PCNX2: variants seen among roughly 807,000 people sequenced by gnomAD.
PCNX2 encodes the protein pecanex 2.
In PCNX2, 168 loss-of-function variants were observed where a neutral mutation model predicts 223.8. The ratio of observed to expected loss-of-function variants is 0.75; its 90% CI spans 0.66 to 0.85. PCNX2 has a LOEUF of 0.85. PCNX2 is among the 40% of genes least tolerant of loss of function. The pLI, the probability that PCNX2 is intolerant of heterozygous loss-of-function variation, is 0.00. For missense variants in PCNX2, 2,507 were observed against 2,675.5 expected, an observed-to-expected ratio of 0.94 and a Z score of 1.39; for synonymous variants, 1,006 against 1,052.6, an observed-to-expected ratio of 0.96 and a Z score of 0.86.
chr1:233,058,719 G>A (rs1483873893), intron 23 of PCNX2, among the ~76,000 whole-genome samples: 1 of 145,240 alleles, frequency 6.9e-6, no homozygotes, highest in African/African-American at 2.6e-5. Flanking sequence ...AGGATGGAGT[G>A]CAGCAGTGCA....
At chr1:233,275,011 T>A (rs1355997747) in intron 1 of PCNX2, among the ~76,000 whole-genome samples, 1 of 152,236 alleles carries the variant, frequency 6.6e-6, no homozygotes, top group Non-Finnish European at 1.5e-5. Context: ...CAGCGTTTGA[T>A]GAAATCACAT....
At chr1:233,161,128 G>A in intron 18 of PCNX2, 143 bp downstream of exon 18, 2 of 673,226 alleles carry the variant, frequency 3.0e-6, no homozygotes, top group Non-Finnish European at 5.3e-6. Flanking sequence ...ACAGTACATG[G>A]ATTCATTCCC....
At chr1:233,118,942 C>G (rs1255849520) in intron 21 of PCNX2, among the ~76,000 whole-genome samples, 1 of 152,094 alleles carries the variant, frequency 6.6e-6, no homozygotes, top group African/African-American at 2.4e-5. Context: ...TCCATCTACC[C>G]AATTTCAACT....
At chr1:233,010,625 A>T (rs1358757610) in intron 28 of PCNX2, among the ~76,000 whole-genome samples, 1 of 152,204 alleles carries the variant, frequency 6.6e-6, no homozygotes, top group Non-Finnish European at 1.5e-5. Flanking sequence ...ATCCCATTAT[A>T]TCTAGATGGC....
chr1:232,998,853 GC>G (rs1669967925), intron 31 of PCNX2, among the ~76,000 whole-genome samples: 1 of 152,328 alleles, frequency 6.6e-6, no homozygotes, highest in Admixed American at 6.5e-5. Context: ...AACCTTGGCA[GC>G]TCTGCAAGAA....
intron 21 of PCNX2, among the ~76,000 whole-genome samples, chr1:233,116,320 GCA>G (rs1409094067): frequency 6.6e-6 from 1 of 152,082 alleles, no homozygotes; most frequent in Non-Finnish European, 1.5e-5. Flanking sequence ...ACAGGAGAAC[GCA>G]CAGTCTTTTT....
At position 233,167,699 on chromosome 1, in the gene PCNX2, C is replaced by A. The variant is rs1416834619; in HGVS notation, c.3274-6336G>T. On this transcript the variant is annotated intron_variant, in intron 17 of 33. Transcript: ENST00000258229. ...ATACTTTAAATATACACAATAAAAT[C>A]TCTTTAAAAAATAAAAATATCTTTA... The A allele has an allele frequency of 3.1e-6, 3 of 962,756 alleles. No homozygotes were observed. The African/African-American group carries it at 5.3e-5, about 17-fold the overall frequency. The allele number at this position is 962,756 out of a possible 1,614,324, so 59.6% of individuals were successfully genotyped here.
chr1:233,027,246 T>G (rs1027929496), intron 25 of PCNX2, among the ~76,000 whole-genome samples: 39 of 152,162 alleles, frequency 2.6e-4, no homozygotes, highest in Non-Finnish European at 1.3e-4. Flanking sequence ...AGGTGTATGT[T>G]GATCTTTGCA....
chr1:233,282,617 C>T (rs1250538976), intron 1 of PCNX2, among the ~76,000 whole-genome samples: 3 of 152,258 alleles, frequency 2.0e-5, no homozygotes, highest in Middle Eastern at 3.4e-3. Context: ...ATGAACTGAT[C>T]ATTAAATCCT....
intron 25 of PCNX2, chr1:233,031,780 G>A (rs1572030086): frequency 1.0e-6 from 1 of 978,858 alleles, no homozygotes; most frequent in Non-Finnish European, 1.2e-6. Flanking sequence ...TTGGCTGAAA[G>A]CATTCTTTTT....
intron 23 of PCNX2, among the ~76,000 whole-genome samples, chr1:233,086,558 C>T (rs1248475788): frequency 6.6e-6 from 1 of 151,888 alleles, no homozygotes; most frequent in African/African-American, 2.4e-5. Context: ...ATAGTCCCAG[C>T]TACTCGGGAG....
intron 1 of PCNX2, among the ~76,000 whole-genome samples, chr1:233,284,626 CT>C (rs1370687722): frequency 6.6e-6 from 1 of 152,162 alleles, no homozygotes; most frequent in Non-Finnish European, 1.5e-5. Flanking sequence ...ATCAATCCAT[CT>C]TGTTCTCCTG....
At chr1:233,155,832 G>A (rs1170899569) in intron 19 of PCNX2, among the ~76,000 whole-genome samples, 2 of 152,110 alleles carry the variant, frequency 1.3e-5, no homozygotes, top group Non-Finnish European at 2.9e-5. Flanking sequence ...TTATAATTCA[G>A]GAAAATTAAT....
intron 23 of PCNX2, among the ~76,000 whole-genome samples, chr1:233,087,726 G>A (rs1474622302): frequency 1.3e-5 from 2 of 152,082 alleles, no homozygotes; most frequent in African/African-American, 4.8e-5. Context: ...TTCACAAAAG[G>A]CAACAATAGA....
chr1:233,291,606 C>G (rs1166942657), intron 1 of PCNX2: 15 of 689,428 alleles, frequency 2.2e-5, no homozygotes, highest in Admixed American at 7.5e-5. Flanking sequence ...GAAACTCTGT[C>G]TCAAAAAAAA....
At chr1:233,321,894 T>C in the PCNX2 span, among the ~76,000 whole-genome samples, 1 of 152,150 alleles carries the variant, frequency 6.6e-6, no homozygotes, top group South Asian at 2.1e-4. Flanking sequence ...TAAAAGCAAA[T>C]AACATTTTCC....
At chr1:233,097,018 T>C (rs1323075601) in intron 21 of PCNX2, among the ~76,000 whole-genome samples, 1 of 152,176 alleles carries the variant, frequency 6.6e-6, no homozygotes, top group Non-Finnish European at 1.5e-5. Context: ...CTGATTCTCA[T>C]AAATATTCTG....
At chr1:233,233,424 CTGTGTGTGTGTGTG>C (rs57458756) in intron 9 of PCNX2, among the ~76,000 whole-genome samples, 44 of 140,342 alleles carry the variant, frequency 3.1e-4, no homozygotes, top group Middle Eastern at 3.6e-3. Flanking sequence ...TCCTCTTCTC[CTGTGTGTGTGTGTG>C]TGTGTGTGTG....
At chr1:233,199,179 T>C (rs936885001) in intron 14 of PCNX2, 149 bp from the exon 15 acceptor site, 1 of 695,036 alleles carries the variant, frequency 1.4e-6, no homozygotes. Context: ...CAAAAGGCAC[T>C]GGGTGACTCA....
Sources: gnomAD v4.1 joint callset for allele counts (sites outside exome capture counted in the v4.1 genomes callset) on GRCh38, gnomAD v4.1.1 for gene constraint, MANE v1.5 for transcripts, NCBI Gene and HGNC (gene_info 2026-07-23, HGNC 2026-07-21) for gene names.